DROSHA: variants seen among roughly 807,000 people sequenced by gnomAD.
DROSHA encodes drosha ribonuclease III.
Under a neutral mutation model 181.9 loss-of-function variants are expected in DROSHA, and 56 were observed. The ratio of observed to expected loss-of-function variants is 0.31; its 90% CI spans 0.25 to 0.38. DROSHA has a LOEUF of 0.38. Ranked by LOEUF, DROSHA falls within the 10% of genes least tolerant of loss-of-function variation. DROSHA has a pLI of 1.00. For synonymous variants in DROSHA, 524 were observed against 591.2 expected (o/e 0.89, Z 1.65); for missense variants, 1,218 against 1,743.5 (o/e 0.70, Z 5.37).
chr5:31,526,143 G>A lies in DROSHA; in HGVS notation c.790C>T (p.Arg264Trp), dbSNP rs201911246. 1.7e-5 allele frequency: 28 copies of A among 1,613,646 alleles called. No individual in the cohort carries two copies. Among genetic ancestry groups the A allele is most frequent in the Admixed American group, 1.2e-4 (7 of 59,984 alleles). The change falls in exon 5 of 36, where the codon CGG becomes TGG. Residue 264 changes from arginine (R) to tryptophan (W), a missense_variant. This residue lies in a region of DROSHA where 536 missense variants were observed against 535.4 expected (regional missense o/e 1.00). Transcript: ENST00000344624. ...CCTCGGTCATAATCAGATCTGTACC[G>A]GCTGTCTTGTCTTCTCCTGTCGGGA... ...RSPDRRRQDSRYRSDYDRGRT... is the reference protein window; with the variant it reads ...RSPDRRRQDSWYRSDYDRGRT...
intron 23 of DROSHA, 137 bp downstream of exon 23, chr5:31,448,409 TG>T: frequency 1.4e-6 from 1 of 701,250 alleles, no homozygotes; most frequent in Non-Finnish European, 2.4e-6. Context: ...ATGTCAATGT[TG>T]CAAAATTAGA....
In DROSHA at chr5:31,464,207, C is replaced by T. The variant is rs372715798; in HGVS notation, c.2574+29G>A. The T allele has an allele frequency of 2.1e-4, 342 of 1,597,094 alleles. No individual in the cohort carries two copies. In the African/African-American group the frequency reaches 4.1e-3, roughly 19 times the overall value. ...TGTTTTAAAGGAAGAAAAGTATGGG[C>T]ATAACTGTGTCCTCAGAAGTCTCCC... On this transcript the variant is annotated intron_variant, in intron 20 of 35. Transcript: ENST00000344624.
chr5:31,501,388 G>A (rs543606869), intron 11 of DROSHA, among the ~76,000 whole-genome samples: 5 of 152,122 alleles, frequency 3.3e-5, no homozygotes, highest in East Asian at 1.9e-4. Context: ...CAGACCCAAC[G>A]TGCTACTCAA....
intron 27 of DROSHA, among the ~76,000 whole-genome samples, chr5:31,429,109 G>C (rs1423152431): frequency 6.6e-6 from 1 of 152,030 alleles, no homozygotes; most frequent in Non-Finnish European, 1.5e-5. Flanking sequence ...AAAGCCAAAA[G>C]GCTATCACTT....
chr5:31,511,711 A>C (rs1738699590), intron 8 of DROSHA, among the ~76,000 whole-genome samples: 1 of 151,214 alleles, frequency 6.6e-6, no homozygotes, highest in Non-Finnish European at 1.5e-5. Flanking sequence ...AAAAAAAAAA[A>C]CAGAAAAGAA....
intron 25 of DROSHA, among the ~76,000 whole-genome samples, chr5:31,435,139 T>C (rs1211760940): frequency 6.6e-6 from 1 of 152,224 alleles, no homozygotes; most frequent in Non-Finnish European, 1.5e-5. Context: ...GACTGGAATG[T>C]TCTTATCAGC....
At chr5:31,442,463 T>G (rs1482771111) in intron 23 of DROSHA, among the ~76,000 whole-genome samples, 3 of 152,200 alleles carry the variant, frequency 2.0e-5, no homozygotes, top group African/African-American at 4.8e-5. Flanking sequence ...GGATCCAAGA[T>G]GAGATGTTTA....
chr5:31,455,791 C>T (rs2150018780), intron 20 of DROSHA, among the ~76,000 whole-genome samples: 1 of 152,066 alleles, frequency 6.6e-6, no homozygotes, highest in East Asian at 1.9e-4. Context: ...CAGGTGTGCA[C>T]CACCACACCC....
At chr5:31,497,121 G>A (rs929101987) in intron 11 of DROSHA, among the ~76,000 whole-genome samples, 3 of 152,214 alleles carry the variant, frequency 2.0e-5, no homozygotes, top group Admixed American at 2.0e-4. Context: ...TCTGAGCTGA[G>A]CCCATGTGAC....
At chr5:31,456,586 A>C (rs1747698437) in intron 20 of DROSHA, among the ~76,000 whole-genome samples, 1 of 152,200 alleles carries the variant, frequency 6.6e-6, no homozygotes, top group Non-Finnish European at 1.5e-5. Flanking sequence ...TAGAATAAAA[A>C]TACAAGCCTT....
Position 31,526,289 on chromosome 5 carries a change from G to A in DROSHA, c.644C>T (p.Ala215Val). ...RHLPPYPLPKAPSERRSPERL... is the reference protein window; with the variant it reads ...RHLPPYPLPKVPSERRSPERL... ...TTCTGGGGACCTTCTCTCACTGGGA[G>A]CCTTTGGGAGTGGGTATGGAGGGAG... The change falls in exon 5 of 36, where the codon GCT (alanine) becomes GTT (valine). Residue 215 changes from alanine to valine, a missense_variant. Physicochemically the swap from Ala to Val is moderately conservative, Grantham distance 64. Around this residue, in one of 8 missense-constraint regions of DROSHA, gnomAD observed 536 missense variants for 535.4 expected, o/e 1.00. Transcript: ENST00000344624. The A allele has an allele frequency of 6.2e-7, 1 of 1,613,938 alleles. No homozygotes were observed. The highest frequency in any genetic ancestry group is 8.5e-7 in the Non-Finnish European group (1 of 1,179,874).
rs1749011968 is a variant in DROSHA, at chr5:31,466,417, A to T, written c.2367-136T>A. Reference sequence around the variant, plus strand: ...TTATTCTTAATGGCAGAAAGCCATCATTCTAAGGAAGGCTATGACTTTGAG... The same window carrying T: ...TTATTCTTAATGGCAGAAAGCCATCTTTCTAAGGAAGGCTATGACTTTGAG... On this transcript the variant is annotated intron_variant, in intron 18 of 35. Transcript: ENST00000344624. The T allele has an allele frequency of 2.9e-5, 21 of 721,674 alleles. No homozygotes were observed. The South Asian group carries it at 3.4e-4, about 12-fold the overall frequency. The allele number at this position is 721,674 out of a possible 1,614,324, so 44.7% of individuals were successfully genotyped here.
chr5:31,423,612 T>C (rs542253675), intron 28 of DROSHA, among the ~76,000 whole-genome samples: 3 of 152,286 alleles, frequency 2.0e-5, no homozygotes, highest in South Asian at 2.1e-4. Context: ...AAAAGTGTGA[T>C]TAAAATGAAC....
chr5:31,478,163 C>A (rs1750622082), intron 16 of DROSHA, among the ~76,000 whole-genome samples: 1 of 152,130 alleles, frequency 6.6e-6, no homozygotes, highest in Non-Finnish European at 1.5e-5. Flanking sequence ...AAGAAACATG[C>A]AAATAGTAAC....
In DROSHA at chr5:31,411,882, C is replaced by G. The variant is rs377463843; in HGVS notation, c.3526-995G>C. Among the ~76,000 whole-genome samples, 34 of 152,344 alleles carry G rather than the reference C, an allele frequency of 2.2e-4. No individual in the cohort carries two copies. In the East Asian group the frequency reaches 3.9e-3, roughly 17 times the overall value. On this transcript the variant is annotated intron_variant, in intron 30 of 35. Transcript: ENST00000344624. This position sits in a 1 kb window ranked among gnomAD's most constrained non-coding sequence, Gnocchi z 4.2. ...GCTCAAGTGATCCACCCACCTTGAC[C>G]TTTCAAAGTGTTGGGATTACAGGCG... is the stretch of plus-strand genomic sequence containing the variant.
intron 23 of DROSHA, among the ~76,000 whole-genome samples, chr5:31,438,716 G>C (rs180761725): frequency 3.3e-5 from 5 of 152,148 alleles, no homozygotes; most frequent in East Asian, 3.9e-4. Flanking sequence ...TGAATCTTTA[G>C]GGTTAGTCAA....
rs72547276 is a variant in DROSHA at position 31,401,393 on chromosome 5, T to C, written c.*39A>G. On this transcript the variant is annotated 3_prime_UTR_variant, in exon 36 of 36. Transcript: ENST00000344624. The stretch of plus-strand genomic sequence containing the variant: ...GGTCTCAATAGACAACAGTCACAGT[T>C]ACTGAGCAAGTAAATACTCCACACT... 131 of 1,602,460 alleles carry C rather than the reference T, an allele frequency of 8.2e-5. No individual in the cohort carries two copies. In the Admixed American group the frequency reaches 2.1e-3, roughly 26 times the overall value.
intron 33 of DROSHA, 65 bp from the exon 34 acceptor site, chr5:31,407,010 T>C: frequency 1.9e-5 from 27 of 1,411,152 alleles, no homozygotes; most frequent in South Asian, 2.5e-5. Context: ...ACTATGTAAC[T>C]ATGAGGAAAA....
At chr5:31,510,409 G>A (rs1738535702) in intron 9 of DROSHA, among the ~76,000 whole-genome samples, 1 of 152,218 alleles carries the variant, frequency 6.6e-6, no homozygotes, top group African/African-American at 2.4e-5. Context: ...GGATGTAATG[G>A]AGGTGGGCAG....
Sources: gnomAD v4.1 joint callset for allele counts (sites outside exome capture counted in the v4.1 genomes callset) on GRCh38, gnomAD v4.1.1 for gene constraint, gnomAD v4.1.1 regional missense constraint, Gnocchi (gnomAD v3.1) non-coding constraint, MANE v1.5 for transcripts, NCBI Gene and HGNC (gene_info 2026-07-23, HGNC 2026-07-21) for gene names.